HS1BP3: variants seen among roughly 807,000 people sequenced by gnomAD.
HS1BP3 encodes HCLS1-binding protein 3.
Under a neutral mutation model 33.5 loss-of-function variants are expected in HS1BP3, and 32 were observed. That is an observed-to-expected ratio of 0.95 (90% confidence interval 0.72 to 1.28). The LOEUF is 1.28. Among genes scored for constraint, HS1BP3 ranks in the 50% most tolerant of loss-of-function variants. The pLI is 0.00. For missense variants in HS1BP3, 486 were observed against 502.3 expected (o/e 0.97, Z 0.31); for synonymous variants, 187 against 209.2 (o/e 0.89, Z 0.92).
At chr2:20,610,466 T>A (rs1694297197) in intron 2 of HS1BP3, among the ~76,000 whole-genome samples, 1 of 152,212 alleles carries the variant, frequency 6.6e-6, no homozygotes, top group South Asian at 2.1e-4. Context: ...TCATACAACA[T>A]ATATATCCTT....
chr2:20,556,220 T>C (rs1018049811), downstream of HS1BP3, among the ~76,000 whole-genome samples: 1 of 152,234 alleles, frequency 6.6e-6, no homozygotes, highest in African/African-American at 2.4e-5. Flanking sequence ...ACATTTAGTG[T>C]ACTTCTTCCT....
At chr2:20,605,052 A>G (rs183351989) in intron 2 of HS1BP3, among the ~76,000 whole-genome samples, 8 of 152,368 alleles carry the variant, frequency 5.3e-5, no homozygotes, top group African/African-American at 1.7e-4. Context: ...GTTGCCAAGA[A>G]TGATGAAACA....
In HS1BP3 at chr2:20,605,546, C is replaced by T. The variant is rs139742867; in HGVS notation, c.179-7281G>A. 3.4e-3 allele frequency among the ~76,000 whole-genome samples: 514 copies of T among 151,928 alleles called. 1 individual carries two copies. The highest frequency in any genetic ancestry group is 0.011 in the African/African-American group (471 of 41,328). On this transcript the variant is annotated intron_variant, in intron 2 of 3. Transcript: ENST00000415264. ...TACAACTCTTGTTGCTATCGACTTC[C>T]GGAATATGTCATCACCCCCCAAAGG...
In HS1BP3 at chr2:20,641,132, T is replaced by C; in HGVS notation, c.247A>G (p.Ser83Gly). Residue 83 changes from serine to glycine, a missense_variant, in exon 3 of 7, where the codon AGT becomes GGT. Transcript: ENST00000304031. ...GGGAGGCTGGCTGCTGCATAACGACTGCTCAGTTTCTGGTAAAACTCCTCA... is the reference window on the plus strand; with the variant it reads ...GGGAGGCTGGCTGCTGCATAACGACCGCTCAGTTTCTGGTAAAACTCCTCA... The part of the protein sequence containing the change: ...EIEEFYQKLS[S>G]RYAAASLPPL... 1 of 1,612,102 alleles carries C rather than the reference T, an allele frequency of 6.2e-7. No homozygotes were observed. The highest frequency in any genetic ancestry group is 8.5e-7 in the Non-Finnish European group (1 of 1,179,994).
intron 6 of HS1BP3, 91 bp from the exon 7 acceptor site, chr2:20,619,336 T>C: frequency 3.4e-6 from 4 of 1,182,156 alleles, no homozygotes; most frequent in Non-Finnish European, 2.3e-6. Context: ...CACACGGGGC[T>C]GGGCAGCGGC....
chr2:20,583,167 G>C (rs1284726631), intron 5 of HS1BP3, among the ~76,000 whole-genome samples: 1 of 152,240 alleles, frequency 6.6e-6, no homozygotes, highest in Non-Finnish European at 1.5e-5. Context: ...CCTCTGAGCT[G>C]TCCTGAGCTG....
downstream of HS1BP3, among the ~76,000 whole-genome samples, chr2:20,557,267 G>A (rs1692863123): frequency 6.6e-6 from 1 of 152,080 alleles, no homozygotes; most frequent in Admixed American, 6.5e-5. Flanking sequence ...TTGGCCTTCC[G>A]AAATTTCATA....
intron 5 of HS1BP3, among the ~76,000 whole-genome samples, chr2:20,576,494 C>G (rs1474995695): frequency 6.6e-6 from 1 of 152,186 alleles, no homozygotes; most frequent in African/African-American, 2.4e-5. Flanking sequence ...GGCCTGAGAC[C>G]TCCCTGAGGC....
chr2:20,571,505 T>C (rs1693273398), intron 5 of HS1BP3, among the ~76,000 whole-genome samples: 1 of 152,228 alleles, frequency 6.6e-6, no homozygotes, highest in African/African-American at 2.4e-5. Flanking sequence ...TCCAACTTTA[T>C]TGCCCTGGTT....
chr2:20,638,047 A>G (rs1012881865), intron 4 of HS1BP3: 65 of 375,524 alleles, frequency 1.7e-4, no homozygotes, highest in Admixed American at 3.0e-4. Flanking sequence ...CAGATGATGC[A>G]GCCCAGAGAG....
At chr2:20,614,250 A>G (rs902344015), downstream of HS1BP3, among the ~76,000 whole-genome samples, 4 of 152,152 alleles carry the variant, frequency 2.6e-5, no homozygotes, top group African/African-American at 9.7e-5. Flanking sequence ...CCCTACTAAC[A>G]CCTTGATTTT....
At chr2:20,617,726 G>C (rs918953997), downstream of HS1BP3, 8 of 152,308 alleles carry the variant, frequency 5.3e-5, no homozygotes, top group African/African-American at 1.9e-4. Context: ...AATAGTGGTT[G>C]CATTTCCTTT....
At chr2:20,614,404 G>C (rs749678923), downstream of HS1BP3, among the ~76,000 whole-genome samples, 1 of 152,232 alleles carries the variant, frequency 6.6e-6, no homozygotes, top group Non-Finnish European at 1.5e-5. Context: ...ATGCTGGCAG[G>C]TGGCAGAGGG....
chr2:20,638,811 C>T (rs1695250288), intron 3 of HS1BP3, among the ~76,000 whole-genome samples, 159 bp from the exon 4 acceptor site: 1 of 152,206 alleles, frequency 6.6e-6, no homozygotes. Flanking sequence ...AGCAGGATGG[C>T]GAGTCTGGGT....
downstream of HS1BP3, among the ~76,000 whole-genome samples, chr2:20,590,613 C>T (rs940580286): frequency 6.6e-6 from 1 of 152,250 alleles, no homozygotes; most frequent in South Asian, 2.1e-4. Context: ...GACAGGTCCT[C>T]TCATAGGCAG....
intron 2 of HS1BP3, among the ~76,000 whole-genome samples, chr2:20,609,928 C>G (rs746797257): frequency 1.3e-5 from 2 of 152,170 alleles, no homozygotes; most frequent in Admixed American, 1.3e-4. Flanking sequence ...AGCCCAGGTA[C>G]CCTGGGGACT....
At position 20,635,193 on chromosome 2, in the gene HS1BP3, A is replaced by G. The variant is rs924147017; in HGVS notation, c.623+3243T>C. The G allele has an allele frequency of 2.6e-5, 4 of 152,230 alleles. 1 individual carries two copies. Among genetic ancestry groups the G allele is most frequent in the Non-Finnish European group, 4.4e-5 (3 of 68,034 alleles). The allele number at this position is 152,230 out of a possible 1,614,324, so 9.4% of individuals were successfully genotyped here. ...GGGCACGTATATAGGGGAAGGCTCC[A>G]TAGAATAAAAGCTTTGTATATGTAG... is the stretch of plus-strand genomic sequence containing the variant. On this transcript the variant is annotated intron_variant, in intron 4 of 6. Transcript: ENST00000304031.
rs1439439713 is a variant in HS1BP3 at position 20,599,650 on chromosome 2, TC to T, written c.179-1386del. 2.1e-3 allele frequency among the ~76,000 whole-genome samples: 238 copies of T among 110,970 alleles called. 2 individuals carry two copies. Among genetic ancestry groups the T allele is most frequent in the African/African-American group, 8.4e-3 (233 of 27,776 alleles). The allele number at this position is 110,970 out of a possible 152,430, so 72.8% of individuals were successfully genotyped here. A position where few individuals can be genotyped will look rare whatever the true frequency, so the allele number is the denominator to read the frequency against. ...CACACACACACACACACACACACACTCTGTTTTTTTTTTTTTAAAGATCTGA... is the reference window on the plus strand; with the variant it reads ...CACACACACACACACACACACACACTTGTTTTTTTTTTTTTAAAGATCTGA... On this transcript the variant is annotated intron_variant, in intron 2 of 3. Transcript: ENST00000415264.
At chr2:20,575,712 C>G (rs1203833933) in intron 5 of HS1BP3, among the ~76,000 whole-genome samples, 1 of 152,068 alleles carries the variant, frequency 6.6e-6, no homozygotes, top group Non-Finnish European at 1.5e-5. Flanking sequence ...TGTGCCTGGG[C>G]TCTTCCACAC....
Sources: gnomAD v4.1 joint callset for allele counts (sites outside exome capture counted in the v4.1 genomes callset) on GRCh38, gnomAD v4.1.1 for gene constraint, MANE v1.5 for transcripts, NCBI Gene and HGNC (gene_info 2026-07-23, HGNC 2026-07-21) for gene names.